The following TICRR variants were observed in gnomAD, a reference collection of about 807,000 sequenced individuals.
TICRR encodes the protein treslin.
TICRR carries 132 observed loss-of-function variants against 178.1 expected under a neutral mutation model. The ratio of observed to expected loss-of-function variants is 0.74; its 90% CI spans 0.64 to 0.86. The LOEUF is 0.86. Among genes scored for constraint, TICRR ranks in the 40% least tolerant of loss-of-function variants. The pLI, the probability that TICRR is intolerant of heterozygous loss-of-function variation, is 0.00. For synonymous variants in TICRR, 991 were observed against 900.7 expected, an observed-to-expected ratio of 1.10 and a Z score of -1.79; for missense variants, 2,587 against 2,334.3, an observed-to-expected ratio of 1.11 and a Z score of -2.23.
intron 15 of TICRR, among the ~76,000 whole-genome samples, chr15:89,611,065 A>G (rs1173651118): frequency 6.6e-6 from 1 of 151,744 alleles, no homozygotes; most frequent in Non-Finnish European, 1.5e-5. Context: ...AAAAAAAACA[A>G]AATTACCATA....
In TICRR at chr15:89,623,833, C is replaced by A; in HGVS notation, c.3523C>A (p.Pro1175Thr). 1.2e-6 allele frequency: 2 copies of A among 1,613,944 alleles called. No homozygotes were observed. Among genetic ancestry groups the A allele is most frequent in the Non-Finnish European group, 1.7e-6 (2 of 1,180,014 alleles). The change falls in exon 20 of 22, where the codon CCT becomes ACT. Residue 1175 changes from proline (P) to threonine (T), a missense_variant. Physicochemically the swap from Pro to Thr is conservative, Grantham distance 38. Transcript: ENST00000268138. The stretch of plus-strand genomic sequence containing the variant: ...CTCACCATTGGATTCAAAAATCACT[C>A]CTCAAAAACGACATACCCAGGCAGG... ...HDSPLDSKIT[P>T]QKRHTQAGEG... is the part of the protein sequence containing the mutation.
In TICRR at chr15:89,619,664, C is replaced by T. The variant is rs747660143; in HGVS notation, c.3020-44C>T. On this transcript the variant is annotated intron_variant, in intron 17 of 21. Transcript: ENST00000268138. ...TTGGACAACATGAGAAAATGTCAAG[C>T]TTGTAGTTGTCTTTGGTTACTTACT... The T allele has an allele frequency of 3.2e-6, 5 of 1,571,032 alleles. No individual in the cohort carries two copies. In the South Asian group the frequency reaches 6.0e-5, roughly 19 times the overall value.
chr15:89,612,285 C>G (rs1382110992), intron 15 of TICRR, among the ~76,000 whole-genome samples: 1 of 152,056 alleles, frequency 6.6e-6, no homozygotes, highest in South Asian at 2.1e-4. Flanking sequence ...CCTTAAATGT[C>G]TGATTCAAGA....
In TICRR at chr15:89,619,826, C is replaced by G. The variant is rs1567051258; in HGVS notation, c.3138C>G (p.Phe1046Leu). ...KSRSVQRVHS[F>L]QQDKSDQREN... ...GAAGTGTGCAAAGAGTCCACTCTTT[C>G]CAGCAAGATAAGTCAGGTAACATAC... The change falls in exon 18 of 22, where the codon TTC becomes TTG. Residue 1046 changes from phenylalanine (F) to leucine (L), a missense_variant. Physicochemically the swap from Phe to Leu is conservative, Grantham distance 22. Coordinates refer to ENST00000268138, the MANE Select transcript of TICRR (RefSeq NM_152259.4). 1 of 1,612,218 alleles carries G rather than the reference C, an allele frequency of 6.2e-7. No individual in the cohort carries two copies. The highest frequency in any genetic ancestry group is 8.5e-7 in the Non-Finnish European group (1 of 1,179,448).
chr15:89,586,032 C>G, intron 4 of TICRR, 90 bp downstream of exon 4: 1 of 857,564 alleles, frequency 1.2e-6, no homozygotes, highest in South Asian at 1.5e-5. Flanking sequence ...GTTAGTAGAA[C>G]CCCAATATGT....
rs1962608364 is a variant in TICRR at position 89,576,062 on chromosome 15, C to G, written c.476C>G (p.Pro159Arg). The G allele has an allele frequency of 6.8e-6, 11 of 1,611,756 alleles. No homozygotes were observed. Among genetic ancestry groups the G allele is most frequent in the African/African-American group, 1.3e-5 (1 of 74,938 alleles). The change falls in exon 1 of 22, where the codon CCC becomes CGC. Residue 159 changes from proline to arginine, a missense_variant. By Grantham distance (103) the Pro-to-Arg change is moderately radical. Coordinates refer to ENST00000268138, the MANE Select transcript of TICRR (RefSeq NM_152259.4). Reference sequence around the variant, plus strand: ...GTGAACGCCGTCTTCCTCCTGGCCCCCTGTCCGCACTCGCAGAGGGAGCTG... The same window carrying G: ...GTGAACGCCGTCTTCCTCCTGGCCCGCTGTCCGCACTCGCAGAGGGAGCTG... ...GLVNAVFLLA[P>R]CPHSQRELLQ...
intron 14 of TICRR, among the ~76,000 whole-genome samples, chr15:89,607,529 ATAAC>A (rs1038103747): frequency 2.0e-5 from 3 of 152,156 alleles, no homozygotes; most frequent in African/African-American, 7.2e-5. Context: ...AAAATAGAGA[ATAAC>A]AAACCAAATT....
intron 15 of TICRR, among the ~76,000 whole-genome samples, chr15:89,611,063 C>A (rs894486909): frequency 1.9e-4 from 29 of 151,542 alleles, no homozygotes; most frequent in South Asian, 2.1e-4. Flanking sequence ...AAAAAAAAAA[C>A]AAAATTACCA....
rs778292925 is a variant in TICRR, at chr15:89,601,282, A to AT, written c.2154-9dup. On this transcript the variant is annotated splice_polypyrimidine_tract_variant and intron_variant, in intron 9 of 21. Transcript: ENST00000268138. ...ACATCCAAAGTAGATATGACCAAGT[A>AT]TTTTTTTCTCTCAAGGTGCCAGCTT... 1.2e-5 allele frequency: 19 copies of AT among 1,612,084 alleles called. No homozygotes were observed. The South Asian group carries it at 1.8e-4, about 15-fold the overall frequency.
intron 18 of TICRR, among the ~76,000 whole-genome samples, chr15:89,620,957 G>C (rs1028953131): frequency 6.6e-6 from 1 of 151,718 alleles, no homozygotes; most frequent in Admixed American, 6.6e-5. Context: ...CTCCGACTTA[G>C]TGATCTGCCC....
chr15:89,590,290 G>A (rs891285863), intron 4 of TICRR, among the ~76,000 whole-genome samples: 1 of 152,148 alleles, frequency 6.6e-6, no homozygotes, highest in African/African-American at 2.4e-5. Flanking sequence ...CTGCTACTTG[G>A]TGGTATAAAA....
rs1250930666 is a variant in TICRR at position 89,625,481 on chromosome 15, G to A, written c.5171G>A (p.Gly1724Asp). 1 of 1,613,954 alleles carries A rather than the reference G, an allele frequency of 6.2e-7. No homozygotes were observed. Among genetic ancestry groups the A allele is most frequent in the Non-Finnish European group, 8.5e-7 (1 of 1,180,006 alleles). The change falls in exon 20 of 22, where the codon GGC becomes GAC. Residue 1724 changes from glycine to aspartate, a missense_variant. Physicochemically the swap from Gly to Asp is moderately conservative, Grantham distance 94. Transcript: ENST00000268138. ...SLLESEGKDH[G>D]LELSIHRTPI... ...CTTGAGTCAGAGGGCAAGGACCACG[G>A]CCTTGAACTCAGCATCCACAGGACG...
intron 15 of TICRR, among the ~76,000 whole-genome samples, chr15:89,612,142 T>A (rs1231571914): frequency 6.6e-6 from 1 of 152,210 alleles, no homozygotes; most frequent in Admixed American, 6.5e-5. Context: ...TGTTCTTTGC[T>A]TATTAAGGAT....
intron 13 of TICRR, among the ~76,000 whole-genome samples, chr15:89,605,174 T>C (rs2141968216): frequency 6.6e-6 from 1 of 152,360 alleles, no homozygotes; most frequent in Non-Finnish European, 1.5e-5. Context: ...GTTTTAGCCT[T>C]TGCAGGCCAT....
chr15:89,622,916 G>A (rs565737851), intron 19 of TICRR, among the ~76,000 whole-genome samples: 5 of 152,158 alleles, frequency 3.3e-5, no homozygotes, highest in Non-Finnish European at 5.9e-5. Flanking sequence ...GATGCCCCTC[G>A]CATGTCCCTG....
At position 89,601,323 on chromosome 15, in the gene TICRR, T is replaced by C; in HGVS notation, c.2179T>C (p.Leu727=). Residue 727 remains leucine (L), a synonymous_variant, in exon 10 of 22, where the codon TTG becomes CTG. Coordinates refer to ENST00000268138, the MANE Select transcript of TICRR (RefSeq NM_152259.4). ...RECQLQVFLR[L]EMCLQCPSIN... ...GTGCCAGCTTCAGGTATTTCTTCGTTTGGAGATGTGTCTGCAATGCCCTTC... is the reference window on the plus strand; with the variant it reads ...GTGCCAGCTTCAGGTATTTCTTCGTCTGGAGATGTGTCTGCAATGCCCTTC... 6.2e-7 allele frequency: 1 copy of C among 1,614,152 alleles called. No individual in the cohort carries two copies. Among genetic ancestry groups the C allele is most frequent in the South Asian group, 1.1e-5 (1 of 91,080 alleles).
rs1348708360 is a variant in TICRR, at chr15:89,624,807, T to G, written c.4497T>G (p.Ser1499=). 3 of 1,614,050 alleles carry G rather than the reference T, an allele frequency of 1.9e-6. No individual in the cohort carries two copies. The African/African-American group carries it at 4.0e-5, about 22-fold the overall frequency. The part of the protein sequence containing the change: ...EGLRTADAEK[S]SLSHPGIPPS... Reference sequence around the variant, plus strand: ...TAAGGACAGCAGATGCTGAGAAGTCTTCTCTGTCTCACCCTGGGATTCCCC... The same window carrying G: ...TAAGGACAGCAGATGCTGAGAAGTCGTCTCTGTCTCACCCTGGGATTCCCC... The change falls in exon 20 of 22, where the codon TCT becomes TCG. Residue 1499 remains serine (S), a synonymous_variant. Transcript: ENST00000268138.
At chr15:89,609,004 T>C (rs1404454144) in intron 15 of TICRR, 55 bp downstream of exon 15, 2 of 1,496,884 alleles carry the variant, frequency 1.3e-6, no homozygotes, top group African/African-American at 2.9e-5. Context: ...GTAAGATTAG[T>C]AGTAATGTAC....
At chr15:89,610,411 AATT>A (rs1160446800) in intron 15 of TICRR, among the ~76,000 whole-genome samples, 1 of 152,204 alleles carries the variant, frequency 6.6e-6, no homozygotes, top group Non-Finnish European at 1.5e-5. Context: ...ATATGTCAAT[AATT>A]ATTATGTCTT....
Sources: allele counts gnomAD v4.1 joint callset (sites outside exome capture counted in the v4.1 genomes callset), GRCh38; gene constraint gnomAD v4.1.1; transcripts MANE v1.5; gene names NCBI Gene and HGNC (gene_info 2026-07-23, HGNC 2026-07-21).